PTPRD: variants seen among roughly 807,000 people sequenced by gnomAD.
The protein encoded by PTPRD is receptor-type tyrosine-protein phosphatase delta.
A neutral mutation model predicts 214.5 loss-of-function variants in PTPRD; 34 were observed. The ratio of observed to expected loss-of-function variants is 0.16; its 90% CI spans 0.12 to 0.21. PTPRD has a LOEUF of 0.21. PTPRD is among the 10% of genes least tolerant of loss of function. PTPRD has a pLI of 1.00. For synonymous variants in PTPRD, 1,128 were observed against 845.7 expected (o/e 1.33, Z -5.79); for missense variants, 2,545 against 2,398.7 (o/e 1.06, Z -1.27).
intron 10 of PTPRD, among the ~76,000 whole-genome samples, chr9:9,141,494 T>C (rs181856342): frequency 3.3e-4 from 50 of 152,044 alleles, no homozygotes; most frequent in African/African-American, 1.1e-3. Context: ...AGCCACAAAG[T>C]AGTTTATTAT....
At chr9:10,055,861 ATG>A (rs921738763) in intron 3 of PTPRD, among the ~76,000 whole-genome samples, 1 of 149,978 alleles carries the variant, frequency 6.7e-6, no homozygotes, top group African/African-American at 2.5e-5. Context: ...TGTATACATT[ATG>A]TGTGTGTATA....
chr9:9,563,199 T>C (rs930999465), intron 8 of PTPRD, among the ~76,000 whole-genome samples: 3 of 152,070 alleles, frequency 2.0e-5, no homozygotes, highest in African/African-American at 7.2e-5. Flanking sequence ...GATATAGTAA[T>C]AAAAGTTGTA....
At chr9:10,380,231 T>A (rs2097793391) in intron 2 of PTPRD, among the ~76,000 whole-genome samples, 1 of 152,036 alleles carries the variant, frequency 6.6e-6, no homozygotes, top group African/African-American at 2.4e-5. Flanking sequence ...AAGCATAATA[T>A]CAAAAAGGAA....
intron 9 of PTPRD, among the ~76,000 whole-genome samples, chr9:9,203,946 C>T (rs780170998): frequency 6.6e-6 from 1 of 152,114 alleles, no homozygotes; most frequent in Non-Finnish European, 1.5e-5. Context: ...TCACTGTACT[C>T]TTAAAATTTA....
chr9:9,564,217 C>T (rs2083720254), intron 8 of PTPRD, among the ~76,000 whole-genome samples: 1 of 152,034 alleles, frequency 6.6e-6, no homozygotes, highest in Non-Finnish European at 1.5e-5. Flanking sequence ...ATTCATTTAA[C>T]CTGAGGAGGA....
intron 10 of PTPRD, among the ~76,000 whole-genome samples, chr9:9,030,766 T>C (rs1351416549): frequency 2.0e-5 from 3 of 152,022 alleles, no homozygotes; most frequent in Admixed American, 6.6e-5. Flanking sequence ...AACAAGGTGC[T>C]AAGATACTTA....
intron 8 of PTPRD, among the ~76,000 whole-genome samples, chr9:9,559,982 G>T (rs1293446462): frequency 3.9e-5 from 6 of 152,204 alleles, no homozygotes; most frequent in Non-Finnish European, 8.8e-5. Context: ...CCAGTGGATT[G>T]CCAAGTCCAC....
At chr9:10,569,496 T>A (rs185594247) in intron 2 of PTPRD, among the ~76,000 whole-genome samples, 53 of 152,002 alleles carry the variant, frequency 3.5e-4, no homozygotes, top group Admixed American at 4.6e-4. Flanking sequence ...TATACTTGTG[T>A]ATATGCATGT....
intron 3 of PTPRD, among the ~76,000 whole-genome samples, chr9:10,129,083 A>G (rs1326589551): frequency 1.3e-5 from 2 of 152,188 alleles, no homozygotes; most frequent in East Asian, 1.9e-4. Context: ...CAATGTAACA[A>G]ATAATGTATT....
intron 33 of PTPRD, among the ~76,000 whole-genome samples, chr9:8,451,620 G>A (rs1429902649): frequency 1.3e-5 from 2 of 152,146 alleles, no homozygotes; most frequent in African/African-American, 4.8e-5. Context: ...ATGCAAAATC[G>A]AAATGGGTTA....
intron 20 of PTPRD, among the ~76,000 whole-genome samples, chr9:8,518,843 G>C (rs552176257): frequency 5.8e-4 from 87 of 150,864 alleles, no homozygotes; most frequent in African/African-American, 2.1e-3. Flanking sequence ...AAGATTCTTA[G>C]AATGTAACTG....
chr9:8,709,527 AAAAAGAAAAAG>A (rs1481807823), intron 12 of PTPRD, among the ~76,000 whole-genome samples: 27 of 149,476 alleles, frequency 1.8e-4, no homozygotes, highest in African/African-American at 4.9e-4. Context: ...AAAAAAAAAA[AAAAAGAAAAAG>A]AAAAAGAAAA....
chr9:10,190,510 G>T (rs2154319655), intron 3 of PTPRD, among the ~76,000 whole-genome samples: 1 of 149,708 alleles, frequency 6.7e-6, no homozygotes, highest in African/African-American at 2.4e-5. Flanking sequence ...CTGAGGTCAG[G>T]AGTTCAAGAC....
chr9:9,907,321 A>G (rs917239558), intron 5 of PTPRD, among the ~76,000 whole-genome samples: 2 of 151,952 alleles, frequency 1.3e-5, no homozygotes, highest in Admixed American at 6.6e-5. Flanking sequence ...TTAGTCTGCT[A>G]GGGCCGTCAT....
intron 6 of PTPRD, among the ~76,000 whole-genome samples, chr9:9,744,900 AT>A (rs2098442231): frequency 6.6e-6 from 1 of 152,014 alleles, no homozygotes; most frequent in African/African-American, 2.4e-5. Context: ...TGAGTATATC[AT>A]TTGCATGTAG....
chr9:9,483,421 G>C (rs1210738837), intron 8 of PTPRD, among the ~76,000 whole-genome samples: 1 of 152,036 alleles, frequency 6.6e-6, no homozygotes, highest in Non-Finnish European at 1.5e-5. Flanking sequence ...AATGGATTTA[G>C]GAAATTAGAT....
At position 8,920,155 on chromosome 9, in the gene PTPRD, A is replaced by C. The variant is rs189455677; in HGVS notation, c.-104+98542T>G. Among the ~76,000 whole-genome samples, 619 of 152,228 alleles carry C rather than the reference A, an allele frequency of 4.1e-3. 5 individuals carry two copies. Among genetic ancestry groups the C allele is most frequent in the African/African-American group, 0.013 (549 of 41,538 alleles). On this transcript the variant is annotated intron_variant, in intron 11 of 45. Transcript: ENST00000381196. ...GAGGAGTGTGAGACCACCCCGGGCA[A>C]CACGGCAAATTCCCATCTCTACTAA... is the stretch of plus-strand genomic sequence containing the variant.
At chr9:10,177,937 C>T (rs748678783) in intron 3 of PTPRD, among the ~76,000 whole-genome samples, 1 of 151,842 alleles carries the variant, frequency 6.6e-6, no homozygotes, top group Admixed American at 6.6e-5. Flanking sequence ...TAGCCAATTG[C>T]AAACCAAAAT....
At chr9:10,384,989 A>G (rs1308939951) in intron 2 of PTPRD, among the ~76,000 whole-genome samples, 1 of 151,796 alleles carries the variant, frequency 6.6e-6, no homozygotes, top group African/African-American at 2.4e-5. Flanking sequence ...CTCTATGTTT[A>G]TAATGTAAAT....
Sources: gnomAD v4.1 joint callset for allele counts (sites outside exome capture counted in the v4.1 genomes callset) on GRCh38, gnomAD v4.1.1 for gene constraint, MANE v1.5 for transcripts, NCBI Gene and HGNC (gene_info 2026-07-23, HGNC 2026-07-21) for gene names.